Variants in PRDM15 observed in about 807,000 individuals in gnomAD.
The protein encoded by PRDM15 is PR/SET domain 15, also known as PR domain zinc finger protein 15.
Under a neutral mutation model 128.6 loss-of-function variants are expected in PRDM15, and 64 were observed. The observed-to-expected ratio is 0.50, with a 90% CI of 0.41 to 0.61. The LOEUF (loss-of-function observed/expected upper bound fraction) is 0.61, where lower values mean the gene tolerates loss of function less well. Ranked by LOEUF, PRDM15 falls within the 20% of genes least tolerant of loss-of-function variation. The pLI, the probability that PRDM15 is intolerant of heterozygous loss-of-function variation, is 0.00. For missense variants in PRDM15, 1,242 were observed against 1,569.1 expected (o/e 0.79, Z 3.52); for synonymous variants, 615 against 621.8 (o/e 0.99, Z 0.16).
intron 1 of PRDM15, among the ~76,000 whole-genome samples, chr21:41,863,810 C>A (rs2063905671): frequency 6.6e-6 from 1 of 152,008 alleles, no homozygotes; most frequent in African/African-American, 2.4e-5. Context: ...ACAAAACAGA[C>A]AACCCAGAAA....
At chr21:41,839,274 T>C (rs1465703674) in intron 7 of PRDM15, among the ~76,000 whole-genome samples, 2 of 152,174 alleles carry the variant, frequency 1.3e-5, no homozygotes, top group African/African-American at 2.4e-5. Flanking sequence ...CAGAGTCCAT[T>C]CGTGAGAAAT....
At chr21:41,804,669 G>T in intron 21 of PRDM15, 55 bp from the exon 22 acceptor site, 1 of 1,399,902 alleles carries the variant, frequency 7.1e-7, no homozygotes, top group Non-Finnish European at 9.6e-7. Context: ...ATGCAGGTGG[G>T]AACCCAGAAG....
rs907671211 is a variant in PRDM15 at position 41,821,413 on chromosome 21, G to A, written c.1897-183C>T. Among the ~76,000 whole-genome samples, 2 of 152,218 alleles carry A rather than the reference G, an allele frequency of 1.3e-5. No individual in the cohort carries two copies. Among genetic ancestry groups the A allele is most frequent in the Non-Finnish European group, 2.9e-5 (2 of 68,038 alleles). The stretch of plus-strand genomic sequence containing the variant: ...CTTTTCCGAAGCCATAAGGCCTCAT[G>A]CCCAAAACTCAAGAGCACGGGTGTC... On this transcript the variant is annotated intron_variant, in intron 15 of 23. Coordinates refer to ENST00000398548, the MANE Select transcript of PRDM15 (RefSeq NM_001040424.3). This position sits in a 1 kb window ranked among gnomAD's most constrained non-coding sequence, Gnocchi z 5.4.
In PRDM15 at chr21:41,832,703, G is replaced by GC. The variant is rs980714271; in HGVS notation, c.1366+2733dup. Among the ~76,000 whole-genome samples the GC allele has an allele frequency of 6.6e-5, 10 of 152,240 alleles. No individual in the cohort carries two copies. Among genetic ancestry groups the GC allele is most frequent in the South Asian group, 2.1e-4 (1 of 4,828 alleles). ...GGCAGGTACCAACCAATACAAGTGA[G>GC]CCCCCCTCCCAGGCAGGTGCAAATC... On this transcript the variant is annotated intron_variant, in intron 11 of 23. Transcript: ENST00000398548. The surrounding 1 kb of genome is among the most constrained non-coding windows in gnomAD (Gnocchi z 4.2).
chr21:41,860,197 T>C, intron 2 of PRDM15, 130 bp downstream of exon 2: 3 of 642,604 alleles, frequency 4.7e-6, no homozygotes, highest in East Asian at 5.5e-5. Context: ...AAATTTTAAA[T>C]ATATAGCTTT....
At chr21:41,817,993 C>T (rs2062110231) in intron 18 of PRDM15, among the ~76,000 whole-genome samples, 1 of 152,250 alleles carries the variant, frequency 6.6e-6, no homozygotes, top group South Asian at 2.1e-4. Context: ...CATCTGGTGG[C>T]ATTTGGGGAC....
intron 21 of PRDM15, among the ~76,000 whole-genome samples, chr21:41,805,066 T>A (rs79743357): frequency 0.024 from 3,705 of 152,306 alleles, 156 homozygotes; most frequent in African/African-American, 0.084. Context: ...ACAAGTGCTT[T>A]CATTTGTTGG....
At chr21:41,851,694 G>A (rs2063435232) in intron 5 of PRDM15, among the ~76,000 whole-genome samples, 2 of 152,134 alleles carry the variant, frequency 1.3e-5, no homozygotes, top group South Asian at 4.2e-4. Flanking sequence ...AGGGCAGCCG[G>A]CAGCACTTCA....
chr21:41,872,094 C>CT (rs2146024946), intron 1 of PRDM15: 1 of 152,854 alleles, frequency 6.5e-6, no homozygotes, highest in East Asian at 1.9e-4. Flanking sequence ...GATTTCTTCT[C>CT]TTTTGTCACT....
intron 1 of PRDM15, chr21:41,877,434 A>G (rs1010590315): frequency 6.6e-6 from 1 of 152,318 alleles, no homozygotes; most frequent in Non-Finnish European, 1.5e-5. Context: ...GAATGAATGA[A>G]TATCTGCCCA....
chr21:41,866,172 G>C (rs1167055922), intron 1 of PRDM15, among the ~76,000 whole-genome samples: 5 of 152,218 alleles, frequency 3.3e-5, no homozygotes, highest in Non-Finnish European at 1.5e-5. Context: ...CTTTTGACCT[G>C]ACACCTTCTT....
In PRDM15 at chr21:41,810,854, C is replaced by T. The variant is rs2146276423; in HGVS notation, c.2393-18G>A. ...TTTAATCCCTGCAGAGAAAGGCGCA[C>T]ATAACTTCCTACGTTTAATGAGTGT... On this transcript the variant is annotated intron_variant, in intron 19 of 23. Coordinates refer to ENST00000398548, the MANE Select transcript of PRDM15 (RefSeq NM_001040424.3). This position sits in a 1 kb window ranked among gnomAD's most constrained non-coding sequence, Gnocchi z 6.4. 6.2e-7 allele frequency: 1 copy of T among 1,611,350 alleles called. No individual in the cohort carries two copies. Among genetic ancestry groups the T allele is most frequent in the East Asian group, 2.2e-5 (1 of 44,870 alleles).
chr21:41,807,000 T>C (rs1407599517), intron 21 of PRDM15, among the ~76,000 whole-genome samples: 3 of 139,662 alleles, frequency 2.1e-5, no homozygotes, highest in Admixed American at 7.0e-5. Flanking sequence ...CCATCACCTC[T>C]ACCACCACCA....
chr21:41,868,154 T>C (rs564112155), intron 1 of PRDM15, among the ~76,000 whole-genome samples: 80 of 151,438 alleles, frequency 5.3e-4, no homozygotes, highest in African/African-American at 1.9e-3. Context: ...GTTGCCTCTA[T>C]CAAAAGCTCA....
chr21:41,813,826 T>G (rs1030750941), intron 19 of PRDM15: 1 of 151,474 alleles, frequency 6.6e-6, no homozygotes, highest in African/African-American at 2.4e-5. Flanking sequence ...TGCTCTAGAG[T>G]TTTATGAGAA....
At position 41,879,139 on chromosome 21, in the gene PRDM15, G is replaced by T. The variant is rs943512941; in HGVS notation, c.-10+131C>A. On this transcript the variant is annotated intron_variant, in intron 1 of 23. Transcript: ENST00000398548. This position sits in a 1 kb window ranked among gnomAD's most constrained non-coding sequence, Gnocchi z 5.1. The stretch of plus-strand genomic sequence containing the variant: ...TGGCGGCTGGACCGGGGCGGCGCGC[G>T]GCTGCCGGGCGCGGGGGGCGGGGGG... 1.6e-5 allele frequency: 16 copies of T among 1,004,324 alleles called. No individual in the cohort carries two copies. Among genetic ancestry groups the T allele is most frequent in the African/African-American group, 1.8e-5 (1 of 56,430 alleles). 62.2% of individuals were successfully genotyped at this position (1,004,324 alleles called of 1,614,324 possible). A position where few individuals can be genotyped will look rare whatever the true frequency, so the allele number is the denominator to read the frequency against.
chr21:41,829,257 C>T (rs1370448028), intron 11 of PRDM15, among the ~76,000 whole-genome samples: 2 of 121,308 alleles, frequency 1.6e-5, no homozygotes, highest in Admixed American at 1.6e-4. Flanking sequence ...ACACCCAACA[C>T]ACATCACACA....
chr21:41,848,984 G>T lies in PRDM15; in HGVS notation c.539-1793C>A, dbSNP rs140702412. Among the ~76,000 whole-genome samples the T allele has an allele frequency of 3.3e-3, 504 of 152,322 alleles. 2 individuals are homozygous for T. Among genetic ancestry groups the T allele is most frequent in the South Asian group, 0.013 (61 of 4,830 alleles). On this transcript the variant is annotated intron_variant, in intron 5 of 23. Coordinates refer to ENST00000398548, the MANE Select transcript of PRDM15 (RefSeq NM_001040424.3). ...ATCTAACATCATACAGCTTTAAAGT[G>T]ATGCCAGAGATAGTAACAGTAGGAA...
rs768013005 is a variant in PRDM15, at chr21:41,836,594, T to C, written c.1057A>G (p.Ser353Gly). ...ITLKRSLILS[S>G]RHGIRRKLIK... Reference sequence around the variant, plus strand: ...AGCTTGCGCCGGATGCCGTGTCTGCTTGAGAGAATTAAGCTCCTCTTGAGC... The same window carrying C: ...AGCTTGCGCCGGATGCCGTGTCTGCCTGAGAGAATTAAGCTCCTCTTGAGC... The change falls in exon 9 of 24, where the codon AGC (serine) becomes GGC (glycine). Residue 353 changes from serine (S) to glycine (G), a missense_variant. Coordinates refer to ENST00000398548, the MANE Select transcript of PRDM15 (RefSeq NM_001040424.3). 1.2e-6 allele frequency: 2 copies of C among 1,613,312 alleles called. No homozygotes were observed. The highest frequency in any genetic ancestry group is 2.2e-5 in the South Asian group (2 of 91,060).
Sources: allele counts gnomAD v4.1 joint callset (sites outside exome capture counted in the v4.1 genomes callset), GRCh38; gene constraint gnomAD v4.1.1; non-coding constraint Gnocchi (gnomAD v3.1); transcripts MANE v1.5; gene names NCBI Gene and HGNC (gene_info 2026-07-23, HGNC 2026-07-21).